PTMA: variants seen among roughly 807,000 people sequenced by gnomAD.
PTMA encodes prothymosin alpha.
Under a neutral mutation model 16.9 loss-of-function variants are expected in PTMA, and 4 were observed. The ratio of observed to expected loss-of-function variants is 0.24; its 90% CI spans 0.12 to 0.54. PTMA has a LOEUF of 0.54. Among genes scored for constraint, PTMA ranks in the 20% least tolerant of loss-of-function variants. The pLI, the probability that PTMA is intolerant of heterozygous loss-of-function variation, is 0.95. For missense variants in PTMA, 120 were observed against 137.7 expected, an observed-to-expected ratio of 0.87 and a Z score of 0.64; for synonymous variants, 58 against 47.9, an observed-to-expected ratio of 1.21 and a Z score of -0.87.
At position 231,708,530 on chromosome 2, in the gene PTMA, A is replaced by T. The variant is rs1395207766; in HGVS notation, c.-177A>T. 1 of 732,408 alleles carries T rather than the reference A, an allele frequency of 1.4e-6. No individual in the cohort carries two copies. Among genetic ancestry groups the T allele is most frequent in the East Asian group, 2.7e-5 (1 of 37,184 alleles). 45.4% of individuals were successfully genotyped at this position (732,408 alleles called of 1,614,324 possible). On this transcript the variant is annotated 5_prime_UTR_variant, in exon 1 of 5. Coordinates refer to ENST00000409115, the MANE Select transcript of PTMA (RefSeq NM_002823.5). ...GCTTCTGGCGCCGCGTGAGTCCCCCACTGGCTGCTCTGAAAAGCCATCTTT... is the reference window on the plus strand; with the variant it reads ...GCTTCTGGCGCCGCGTGAGTCCCCCTCTGGCTGCTCTGAAAAGCCATCTTT...
rs764394114 is a variant in PTMA at position 231,712,489 on chromosome 2, G to C, written c.258G>C (p.Thr86=). ...AAGATGAGGAAGCTGAGTCAGCTAC[G>C]GGCAAGCGGGCAGCTGAAGATGATG... ...GDEDEEAESA[T]GKRAAEDDED... Residue 86 remains threonine (T), a synonymous_variant, in exon 4 of 5, where the codon ACG becomes ACC. Coordinates refer to ENST00000409115, the MANE Select transcript of PTMA (RefSeq NM_002823.5). The C allele has an allele frequency of 3.7e-6, 6 of 1,614,182 alleles. No individual in the cohort carries two copies. Among genetic ancestry groups the C allele is most frequent in the East Asian group, 4.5e-5 (2 of 44,878 alleles).
chr2:231,710,606 G>C (rs1051447884), intron 1 of PTMA: 10 of 491,734 alleles, frequency 2.0e-5, no homozygotes, highest in Middle Eastern at 3.2e-4. Context: ...TGGCCGTGTC[G>C]TGTGGAAAAA....
Position 231,708,689 on chromosome 2 carries a change from T to A in PTMA, c.-18T>A. ...TTTCTTTTTAATCCCCTGCATCGGA[T>A]CACCGGCGTGCCCCACCATGTCAGA... On this transcript the variant is annotated 5_prime_UTR_variant, in exon 1 of 5. Coordinates refer to ENST00000409115, the MANE Select transcript of PTMA (RefSeq NM_002823.5). 1 of 1,602,024 alleles carries A rather than the reference T, an allele frequency of 6.2e-7. No homozygotes were observed. Among genetic ancestry groups the A allele is most frequent in the Non-Finnish European group, 8.5e-7 (1 of 1,179,580 alleles).
At chr2:231,709,338 C>T (rs1173045033) in intron 1 of PTMA, among the ~76,000 whole-genome samples, 3 of 151,594 alleles carry the variant, frequency 2.0e-5, no homozygotes, top group African/African-American at 7.3e-5. Context: ...GCCGTCCCGG[C>T]GGAGGTGTGA....
At chr2:231,709,106 A>G (rs965065712) in intron 1 of PTMA, among the ~76,000 whole-genome samples, 1 of 152,036 alleles carries the variant, frequency 6.6e-6, no homozygotes, top group Non-Finnish European at 1.5e-5. Context: ...GCGCACGGAA[A>G]TAACTTTGAA....
chr2:231,709,357 T>C (rs1473456524), intron 1 of PTMA, among the ~76,000 whole-genome samples: 1 of 151,920 alleles, frequency 6.6e-6, no homozygotes, highest in Non-Finnish European at 1.5e-5. Context: ...GACGGGCTTA[T>C]CCGCTTTGGG....
intron 1 of PTMA, among the ~76,000 whole-genome samples, chr2:231,709,556 A>G (rs907523861): frequency 8.5e-5 from 13 of 152,188 alleles, no homozygotes; most frequent in African/African-American, 3.1e-4. Flanking sequence ...GCCCGGGAGC[A>G]CCGTGTGCGC....
intron 1 of PTMA, among the ~76,000 whole-genome samples, chr2:231,709,417 C>T (rs543041663): frequency 6.6e-6 from 1 of 152,188 alleles, no homozygotes; most frequent in Non-Finnish European, 1.5e-5. Flanking sequence ...GCGCCGGGAG[C>T]GGCCGCCCAG....
At chr2:231,711,784 T>C (rs1366760124) in intron 2 of PTMA, 106 bp from the exon 3 acceptor site, 8 of 1,547,312 alleles carry the variant, frequency 5.2e-6, no homozygotes, top group Non-Finnish European at 6.9e-6. Flanking sequence ...TTGGCTGGGC[T>C]GTAGATGCAG....
rs571473516 is a variant in PTMA at position 231,709,922 on chromosome 2, G to A, written c.45+1171G>A. 9 of 485,064 alleles carry A rather than the reference G, an allele frequency of 1.9e-5. No homozygotes were observed. The Middle Eastern group carries it at 1.8e-3, about 97-fold the overall frequency. 30.0% of individuals were successfully genotyped at this position (485,064 alleles called of 1,614,324 possible). On this transcript the variant is annotated intron_variant, in intron 1 of 4. Transcript: ENST00000409115. Reference sequence around the variant, plus strand: ...CTGACTCTCCCAGGGGCGACTTCTTGGCAGAGCGGAGCTCGGGGCCCGGAT... The same window carrying A: ...CTGACTCTCCCAGGGGCGACTTCTTAGCAGAGCGGAGCTCGGGGCCCGGAT...
chr2:231,711,714 G>C (rs2048520736), intron 2 of PTMA, 176 bp from the exon 3 acceptor site: 2 of 1,215,230 alleles, frequency 1.6e-6, no homozygotes, highest in Admixed American at 2.9e-5. Flanking sequence ...TTAATGTGCA[G>C]GTTTCATGAT....
intron 1 of PTMA, 131 bp from the exon 2 acceptor site, chr2:231,711,217 C>G (rs942094524): frequency 6.8e-6 from 5 of 738,924 alleles, no homozygotes; most frequent in African/African-American, 1.8e-5. Context: ...GGCATCAGGC[C>G]TTTCTCAACA....
chr2:231,710,442 G>T, intron 1 of PTMA: 1 of 1,133,942 alleles, frequency 8.8e-7, no homozygotes, highest in South Asian at 3.0e-5. Flanking sequence ...CCGGGGCTTC[G>T]GCCGCCAGGG....
intron 2 of PTMA, 76 bp from the exon 3 acceptor site, chr2:231,711,814 G>A: frequency 6.3e-7 from 1 of 1,577,550 alleles, no homozygotes; most frequent in Non-Finnish European, 8.6e-7. Context: ...TCTGGTGGGA[G>A]GCCGGGCATC....
chr2:231,710,247 C>A, intron 1 of PTMA: 1 of 1,333,024 alleles, frequency 7.5e-7, no homozygotes, highest in Admixed American at 3.0e-5. Context: ...CCGACCGACG[C>A]GCGACCCGCG....
At chr2:231,710,817 C>G (rs933743152) in intron 1 of PTMA, 9 of 308,230 alleles carry the variant, frequency 2.9e-5, no homozygotes, top group South Asian at 1.9e-4. Context: ...TGTGCTTTGG[C>G]TTTTTTAGAT....
Position 231,708,567 on chromosome 2 carries a change from C to G in PTMA, c.-140C>G. ...GAAAAGCCATCTTTGCATTGTTCCTCATCCGCCTCCTTGCTCGCCGCAGCC... is the reference window on the plus strand; with the variant it reads ...GAAAAGCCATCTTTGCATTGTTCCTGATCCGCCTCCTTGCTCGCCGCAGCC... On this transcript the variant is annotated 5_prime_UTR_variant, in exon 1 of 5. Coordinates refer to ENST00000409115, the MANE Select transcript of PTMA (RefSeq NM_002823.5). The G allele has an allele frequency of 1.0e-6, 1 of 967,450 alleles. No individual in the cohort carries two copies. The highest frequency in any genetic ancestry group is 2.5e-5 in the East Asian group (1 of 40,144). 59.9% of individuals were successfully genotyped at this position (967,450 alleles called of 1,614,324 possible).
Position 231,712,422 on chromosome 2 carries a change from C to T in PTMA, c.212-21C>T, listed in dbSNP as rs769426643. 5.6e-6 allele frequency: 9 copies of T among 1,611,550 alleles called. No homozygotes were observed. In the South Asian group the frequency reaches 6.6e-5, roughly 12 times the overall value. On this transcript the variant is annotated intron_variant, in intron 3 of 4. Transcript: ENST00000409115. ...ACAGTAGGAGGGAAGTGTGGTTTAC[C>T]TGGCCTTTGATTCTCTCCAGGTGAG... is the stretch of plus-strand genomic sequence containing the variant.
At chr2:231,712,662 C>T in intron 4 of PTMA, 142 bp from the exon 5 acceptor site, 1 of 1,312,846 alleles carries the variant, frequency 7.6e-7, no homozygotes, top group Non-Finnish European at 1.1e-6. Context: ...AGGAAGGAAA[C>T]AGGGCTGGGC....
Sources: allele counts gnomAD v4.1 joint callset (sites outside exome capture counted in the v4.1 genomes callset), GRCh38; gene constraint gnomAD v4.1.1; transcripts MANE v1.5; gene names NCBI Gene and HGNC (gene_info 2026-07-23, HGNC 2026-07-21).